SNAP23: variants seen among roughly 807,000 people sequenced by gnomAD.
SNAP23 encodes synaptosomal-associated protein 23.
In SNAP23, 11 loss-of-function variants were observed where a neutral mutation model predicts 29.0. The ratio of observed to expected loss-of-function variants is 0.38; its 90% CI spans 0.24 to 0.63. The LOEUF (loss-of-function observed/expected upper bound fraction) is 0.63. Among genes scored for constraint, SNAP23 ranks in the 20% least tolerant of loss-of-function variants. SNAP23 has a pLI of 0.58. For synonymous variants in SNAP23, 60 were observed against 82.9 expected (o/e 0.72, Z 1.50); for missense variants, 220 against 253.9 (o/e 0.87, Z 0.91).
intron 5 of SNAP23, chr15:42,528,036 G>C: frequency 2.2e-6 from 1 of 448,690 alleles, no homozygotes; most frequent in East Asian, 3.4e-5. Context: ...GGTAGAAGTA[G>C]TATTTGGACC....
At chr15:42,510,303 T>C (rs1379412332) in intron 1 of SNAP23, among the ~76,000 whole-genome samples, 1 of 152,000 alleles carries the variant, frequency 6.6e-6, no homozygotes, top group Non-Finnish European at 1.5e-5. Context: ...GCCTGGCTAA[T>C]TTTTGTATAT....
At chr15:42,501,597 G>T (rs1307054158) in intron 1 of SNAP23, among the ~76,000 whole-genome samples, 2 of 151,750 alleles carry the variant, frequency 1.3e-5, no homozygotes, top group African/African-American at 2.4e-5. Flanking sequence ...TTTGTGTAGA[G>T]ATGGGGGACT....
At chr15:42,529,863 A>C in intron 7 of SNAP23, 44 bp downstream of exon 7, 1 of 1,596,200 alleles carries the variant, frequency 6.3e-7, no homozygotes. Context: ...CACCCAGTTC[A>C]GTGTTTCAGT....
intron 5 of SNAP23, among the ~76,000 whole-genome samples, chr15:42,518,232 C>G (rs1261813188): frequency 2.0e-5 from 3 of 152,018 alleles, no homozygotes; most frequent in African/African-American, 7.3e-5. Context: ...TTGCCTGTGT[C>G]TTGATCTTTC....
At chr15:42,524,467 C>A (rs1403432754) in intron 5 of SNAP23, among the ~76,000 whole-genome samples, 1 of 152,156 alleles carries the variant, frequency 6.6e-6, no homozygotes, top group Non-Finnish European at 1.5e-5. Flanking sequence ...GCTCTGCCTC[C>A]TCTCAGATCA....
chr15:42,529,550 C>A (rs1391765329), intron 6 of SNAP23, 125 bp from the exon 7 acceptor site: 4 of 897,522 alleles, frequency 4.5e-6, no homozygotes. Flanking sequence ...GGAATGGTAA[C>A]CTATATTCTT....
intron 5 of SNAP23, among the ~76,000 whole-genome samples, chr15:42,518,957 G>A (rs183421738): frequency 5.3e-5 from 8 of 152,158 alleles, no homozygotes; most frequent in African/African-American, 1.9e-4. Flanking sequence ...CGACCTCCTA[G>A]GTTCAAGTGA....
At position 42,515,292 on chromosome 15, in the gene SNAP23, G is replaced by C. The variant is rs200463158; in HGVS notation, c.204G>C (p.Glu68Asp). Reference sequence around the variant, plus strand: ...ACCAAATAAATAAGGACATGAGAGAGACAGAGAAGACTTTAACAGAACTCA... The same window carrying C: ...ACCAAATAAATAAGGACATGAGAGACACAGAGAAGACTTTAACAGAACTCA... ...GLDQINKDMR[E>D]TEKTLTELNK... The change falls in exon 5 of 8, where the codon GAG becomes GAC. Residue 68 changes from glutamate (E) to aspartate (D), a missense_variant. Physicochemically the swap from Glu to Asp is conservative, Grantham distance 45. Transcript: ENST00000249647. 342 of 1,612,684 alleles carry C rather than the reference G, an allele frequency of 2.1e-4. 1 individual carries two copies. Among genetic ancestry groups the C allele is most frequent in the Non-Finnish European group, 2.8e-4 (327 of 1,179,490 alleles).
At chr15:42,513,018 A>G (rs570998695) in intron 3 of SNAP23, 22 bp downstream of exon 3, 6 of 1,571,186 alleles carry the variant, frequency 3.8e-6, no homozygotes, top group Admixed American at 1.7e-5. Context: ...TTAGTCATCA[A>G]CTTAAGTATA....
chr15:42,514,836 A>G (rs1001765939), intron 4 of SNAP23, among the ~76,000 whole-genome samples: 2 of 151,132 alleles, frequency 1.3e-5, no homozygotes, highest in East Asian at 2.0e-4. Context: ...CCAGGTAGCT[A>G]GGATTACGGC....
intron 5 of SNAP23, among the ~76,000 whole-genome samples, chr15:42,516,750 A>G (rs1182213478): frequency 1.3e-5 from 2 of 152,244 alleles, no homozygotes; most frequent in Non-Finnish European, 2.9e-5. Flanking sequence ...ATGAAACAAC[A>G]TTTTTATGCC....
chr15:42,511,262 A>G (rs1216852147), intron 1 of SNAP23, among the ~76,000 whole-genome samples: 1 of 152,178 alleles, frequency 6.6e-6, no homozygotes, highest in Non-Finnish European at 1.5e-5. Context: ...GGAAGAGTCT[A>G]ATGCATAATA....
rs2141494615 is a variant in SNAP23 at position 42,496,894 on chromosome 15, G to A, written c.-15+1181G>A. On this transcript the variant is annotated intron_variant, in intron 1 of 7. Transcript: ENST00000249647. ...AGGATGGCAGGAGAGAGACAGTGAA[G>A]GGGAAAAAGCCCCTTATAAAACCAG... is the stretch of plus-strand genomic sequence containing the variant. Among the ~76,000 whole-genome samples, 2 of 152,208 alleles carry A rather than the reference G, an allele frequency of 1.3e-5. 1 individual carries two copies. The highest frequency in any genetic ancestry group is 4.1e-4 in the South Asian group (2 of 4,828).
chr15:42,521,116 T>A (rs7173155), intron 5 of SNAP23, among the ~76,000 whole-genome samples: 7,196 of 152,310 alleles, frequency 0.047, 562 homozygotes, highest in African/African-American at 0.16. Flanking sequence ...TGATTTTTTA[T>A]ACCTCACATA....
In SNAP23 at chr15:42,525,738, A is replaced by T. The variant is rs1595529604; in HGVS notation, c.267-2524A>T. 2.6e-5 allele frequency among the ~76,000 whole-genome samples: 4 copies of T among 152,114 alleles called. No homozygotes were observed. The East Asian group carries it at 7.8e-4, about 30-fold the overall frequency. ...CGGCCTCCCAAAGTGCTGGTATTACAGGTGTGAATCACCGCACCCGGCCAA... is the reference window on the plus strand; with the variant it reads ...CGGCCTCCCAAAGTGCTGGTATTACTGGTGTGAATCACCGCACCCGGCCAA... On this transcript the variant is annotated intron_variant, in intron 5 of 7. Transcript: ENST00000249647.
At chr15:42,516,240 C>T (rs553592178) in intron 5 of SNAP23, among the ~76,000 whole-genome samples, 1 of 152,324 alleles carries the variant, frequency 6.6e-6, no homozygotes, top group African/African-American at 2.4e-5. Flanking sequence ...TCACAGCTCA[C>T]TGCAGCCTCT....
At chr15:42,516,989 G>A (rs1330946562) in intron 5 of SNAP23, among the ~76,000 whole-genome samples, 1 of 151,748 alleles carries the variant, frequency 6.6e-6, no homozygotes, top group Non-Finnish European at 1.5e-5. Flanking sequence ...GTGTGATCTC[G>A]GCTCACTGCA....
chr15:42,508,805 A>C (rs560405928), intron 1 of SNAP23, among the ~76,000 whole-genome samples: 6 of 152,174 alleles, frequency 3.9e-5, no homozygotes, highest in Non-Finnish European at 8.8e-5. Context: ...AGAATTACAA[A>C]ATTACATAAT....
At chr15:42,521,669 T>C in intron 5 of SNAP23, 2 of 1,339,562 alleles carry the variant, frequency 1.5e-6, no homozygotes, top group African/African-American at 1.4e-5. Context: ...TAAGATGCAG[T>C]CTTGTGGCGC....
Sources: gnomAD v4.1 joint callset for allele counts (sites outside exome capture counted in the v4.1 genomes callset) on GRCh38, gnomAD v4.1.1 for gene constraint, MANE v1.5 for transcripts, NCBI Gene and HGNC (gene_info 2026-07-23, HGNC 2026-07-21) for gene names.